The following SSTR3 variants were observed in gnomAD, a reference collection of about 807,000 sequenced individuals.
SSTR3 encodes the protein somatostatin receptor 3.
For missense variants in SSTR3, 504 were observed against 604.7 expected, an observed-to-expected ratio of 0.83 and a Z score of 1.75; for synonymous variants, 281 against 269.2, an observed-to-expected ratio of 1.04 and a Z score of -0.43.
At position 37,206,364 on chromosome 22, in the gene SSTR3, A is replaced by G. The variant is rs528421919; in HGVS notation, c.*183T>C. The G allele has an allele frequency of 2.2e-6, 2 of 902,222 alleles. No individual in the cohort carries two copies. Among genetic ancestry groups the G allele is most frequent in the South Asian group, 3.8e-5 (2 of 52,678 alleles). 55.9% of individuals were successfully genotyped at this position (902,222 alleles called of 1,614,324 possible). ...TCCTATCCCTGAGTCACAGAGGAGA[A>G]AACAAGGCCCAGAGAGTAGAAGCAA... On this transcript the variant is annotated 3_prime_UTR_variant, in exon 2 of 2. Transcript: ENST00000610913.
Position 37,206,946 on chromosome 22 carries a change from G to A in SSTR3, c.858C>T (p.Pro286=), listed in dbSNP as rs150814143. The A allele has an allele frequency of 9.3e-5, 150 of 1,612,536 alleles. No homozygotes were observed. The East Asian group carries it at 2.7e-3, about 29-fold the overall frequency. ...LNIVNVVCPL[P]EEPAFFGLYF... ...AGAGCCCAAAGAAGGCAGGCTCCTC[G>A]GGCAGTGGGCACACCACGTTGACGA... Residue 286 remains proline (P), a synonymous_variant, in exon 2 of 2, where the codon CCC becomes CCT. Coordinates refer to ENST00000610913, the MANE Select transcript of SSTR3 (RefSeq NM_001051.5).
rs1925628747 is a variant in SSTR3 at position 37,204,933 on chromosome 22, G to C, written c.*1614C>G. On this transcript the variant is annotated 3_prime_UTR_variant, in exon 2 of 2. Transcript: ENST00000610913. ...TCTGCAAGGGGTGGGGAAGCGGAAGGATTTCACCGGGGGTCTCACCCTCCC... is the reference window on the plus strand; with the variant it reads ...TCTGCAAGGGGTGGGGAAGCGGAAGCATTTCACCGGGGGTCTCACCCTCCC... 6.6e-6 allele frequency: 1 copy of C among 152,392 alleles called. No individual in the cohort carries two copies. Among genetic ancestry groups the C allele is most frequent in the South Asian group, 2.1e-4 (1 of 4,830 alleles). 9.4% of individuals were successfully genotyped at this position (152,392 alleles called of 1,614,324 possible). A position where few individuals can be genotyped will look rare whatever the true frequency, so the allele number is the denominator to read the frequency against.
chr22:37,215,151 TC>T, upstream of SSTR3, among the ~76,000 whole-genome samples: 1 of 152,360 alleles, frequency 6.6e-6, no homozygotes, highest in South Asian at 2.1e-4. Flanking sequence ...GGTGCATACA[TC>T]CCAATACCCT....
chr22:37,210,490 G>A (rs1926125778), intron 1 of SSTR3: 1 of 982,446 alleles, frequency 1.0e-6, no homozygotes, highest in Admixed American at 6.1e-5. Context: ...AAAGTTTGAG[G>A]GGCCCAGGCA....
chr22:37,206,496 C>G lies in SSTR3; in HGVS notation c.*51G>C, dbSNP rs371977440. The G allele has an allele frequency of 6.5e-7, 1 of 1,543,638 alleles. No homozygotes were observed. The highest frequency in any genetic ancestry group is 2.3e-5 in the East Asian group (1 of 44,330). ...CACCTTGGGAAGTAGGCCCTAGGCACACCCACGGCTTCTGCCTCTTCCTCG... is the reference window on the plus strand; with the variant it reads ...CACCTTGGGAAGTAGGCCCTAGGCAGACCCACGGCTTCTGCCTCTTCCTCG... On this transcript the variant is annotated 3_prime_UTR_variant, in exon 2 of 2. Coordinates refer to ENST00000610913, the MANE Select transcript of SSTR3 (RefSeq NM_001051.5).
chr22:37,216,903 C>T (rs1193562827), upstream of SSTR3, among the ~76,000 whole-genome samples: 3 of 152,272 alleles, frequency 2.0e-5, no homozygotes, highest in East Asian at 1.9e-4. Flanking sequence ...CAGGCCCAAG[C>T]GATCTTCTCA....
Position 37,206,807 on chromosome 22 carries a change from G to A in SSTR3, c.997C>T (p.Arg333Cys), listed in dbSNP as rs375773160. ...GFRRVLLRPS[R>C]RVRSQEPTVG... ...GTGGGCTCCTGGCTGCGCACACGGC[G>A]GGAGGGCCGCAGCAGGACCCTGCGG... The change falls in exon 2 of 2, where the codon CGC (arginine) becomes TGC (cysteine). Residue 333 changes from arginine to cysteine, a missense_variant. By Grantham distance (180) the Arg-to-Cys change is radical. Transcript: ENST00000610913. The A allele has an allele frequency of 7.0e-5, 113 of 1,612,414 alleles. No homozygotes were observed. Among genetic ancestry groups the A allele is most frequent in the Non-Finnish European group, 8.2e-5 (97 of 1,179,948 alleles).
In SSTR3 at chr22:37,207,013, G is replaced by A. The variant is rs139412786; in HGVS notation, c.791C>T (p.Ala264Val). ...RVTRMVVAVV[A>V]LFVLCWMPFY... is the part of the protein sequence containing the mutation. ...GGGCATCCAGCAGAGCACGAAGAGC[G>A]CCACCACGGCCACCACCATGCGCGT... The change falls in exon 2 of 2, where the codon GCG becomes GTG. Residue 264 changes from alanine (A) to valine (V), a missense_variant. Ala to Val is a moderately conservative substitution (Grantham distance 64, BLOSUM62 0). Transcript: ENST00000610913. 64 of 1,612,508 alleles carry A rather than the reference G, an allele frequency of 4.0e-5. No homozygotes were observed. Among genetic ancestry groups the A allele is most frequent in the South Asian group, 5.5e-5 (5 of 91,074 alleles).
rs901994885 is a variant in SSTR3, at chr22:37,212,094, G to A, written c.-306C>T. The A allele has an allele frequency of 1.0e-6, 1 of 985,576 alleles. No homozygotes were observed. Among genetic ancestry groups the A allele is most frequent in the Non-Finnish European group, 1.2e-6 (1 of 830,124 alleles). 61.1% of individuals were successfully genotyped at this position (985,576 alleles called of 1,614,324 possible). ...CCATCTCCAGGACACATCCTGGGGG[G>A]GCAGGGGCAAGGATAGGGGGGAGAA... On this transcript the variant is annotated 5_prime_UTR_variant, in exon 1 of 2. Transcript: ENST00000610913.
Position 37,207,862 on chromosome 22 carries a change from G to A in SSTR3, c.-36-23C>T, listed in dbSNP as rs144386580. 76 of 1,457,122 alleles carry A rather than the reference G, an allele frequency of 5.2e-5. No homozygotes were observed. The East Asian group carries it at 9.0e-4, about 17-fold the overall frequency. 90.3% of individuals were successfully genotyped at this position (1,457,122 alleles called of 1,614,324 possible). On this transcript the variant is annotated intron_variant, in intron 1 of 1. Coordinates refer to ENST00000610913, the MANE Select transcript of SSTR3 (RefSeq NM_001051.5). ...TGCCTGGGGGAAGGAAAAACAGCTC[G>A]GTCACAGCAGAGAATGGCTTTCTCT...
chr22:37,211,414 C>T (rs1285377587), intron 1 of SSTR3, among the ~76,000 whole-genome samples: 1 of 152,332 alleles, frequency 6.6e-6, no homozygotes, highest in Admixed American at 6.5e-5. Flanking sequence ...GTCACTTCTC[C>T]CCGCTGCACC....
At chr22:37,214,916 C>G (rs112363742), upstream of SSTR3, among the ~76,000 whole-genome samples, 405 of 152,258 alleles carry the variant, frequency 2.7e-3, 2 homozygotes, top group African/African-American at 9.4e-3. Context: ...GCCGCGAGTC[C>G]CTAGCAGGCC....
At chr22:37,218,154 C>T in the SSTR3 span, among the ~76,000 whole-genome samples, 1 of 152,184 alleles carries the variant, frequency 6.6e-6, no homozygotes, top group Non-Finnish European at 1.5e-5. Context: ...ACTGATATTC[C>T]TTTTCTTCTA....
In SSTR3 at chr22:37,207,785, A is replaced by T. The variant is rs887386610; in HGVS notation, c.19T>A (p.Ser7Thr). The T allele has an allele frequency of 1.5e-5, 22 of 1,511,474 alleles. No homozygotes were observed. The highest frequency in any genetic ancestry group is 1.8e-5 in the Non-Finnish European group (20 of 1,129,656). 93.6% of individuals were successfully genotyped at this position (1,511,474 alleles called of 1,614,324 possible). A position where few individuals can be genotyped will look rare whatever the true frequency, so the allele number is the denominator to read the frequency against. MDMLHP[S>T]SVSTTSEPEN... ...GGTTCTGAGGTCGTGGACACCGATGATGGATGAAGCATGTCCATGGCTGAG... is the reference window on the plus strand; with the variant it reads ...GGTTCTGAGGTCGTGGACACCGATGTTGGATGAAGCATGTCCATGGCTGAG... Residue 7 changes from serine (S) to threonine (T), a missense_variant, in exon 2 of 2, where the codon TCA becomes ACA. Physicochemically the swap from Ser to Thr is moderately conservative, Grantham distance 58. Transcript: ENST00000610913.
At position 37,212,223 on chromosome 22, in the gene SSTR3, G is replaced by A. The variant is rs921993212; in HGVS notation, c.-435C>T. 3.6e-6 allele frequency: 2 copies of A among 552,238 alleles called. No homozygotes were observed. The highest frequency in any genetic ancestry group is 4.6e-6 in the Non-Finnish European group (2 of 432,322). 34.2% of individuals were successfully genotyped at this position (552,238 alleles called of 1,614,324 possible). On this transcript the variant is annotated 5_prime_UTR_variant, in exon 1 of 2. Transcript: ENST00000610913. ...GGAGGTGGAGAAAGAGAGAGAGAGA[G>A]AAAGAGGGAGGGGGAGAGAGAGAGA...
chr22:37,206,802 A>G lies in SSTR3; in HGVS notation c.1002T>C (p.Arg334=), dbSNP rs2145797988. 4 of 1,612,156 alleles carry G rather than the reference A, an allele frequency of 2.5e-6. No individual in the cohort carries two copies. Among genetic ancestry groups the G allele is most frequent in the Non-Finnish European group, 3.4e-6 (4 of 1,179,876 alleles). The change falls in exon 2 of 2, where the codon CGT becomes CGC. Residue 334 remains arginine, a synonymous_variant. Transcript: ENST00000610913. The part of the protein sequence containing the change: ...FRRVLLRPSR[R]VRSQEPTVGP... ...CCACAGTGGGCTCCTGGCTGCGCAC[A>G]CGGCGGGAGGGCCGCAGCAGGACCC...
intron 1 of SSTR3, among the ~76,000 whole-genome samples, chr22:37,208,324 G>A (rs1273716675): frequency 6.6e-6 from 1 of 152,240 alleles, no homozygotes; most frequent in African/African-American, 2.4e-5. Flanking sequence ...CTAAACTCCA[G>A]GTGAAGGTTA....
At chr22:37,209,813 T>G (rs1422393825) in intron 1 of SSTR3, among the ~76,000 whole-genome samples, 1 of 152,176 alleles carries the variant, frequency 6.6e-6, no homozygotes, top group Non-Finnish European at 1.5e-5. Flanking sequence ...CCCACCTGAG[T>G]GCCCAGCTGG....
At chr22:37,219,806 C>T in the SSTR3 span, among the ~76,000 whole-genome samples, 7 of 152,238 alleles carry the variant, frequency 4.6e-5, no homozygotes, top group East Asian at 5.8e-4. Context: ...TGGCTGACTG[C>T]GAGTCACCTG....
Sources: allele counts gnomAD v4.1 joint callset (sites outside exome capture counted in the v4.1 genomes callset), GRCh38; gene constraint gnomAD v4.1.1; transcripts MANE v1.5; gene names NCBI Gene and HGNC (gene_info 2026-07-23, HGNC 2026-07-21).